AGPAT5: variants seen among roughly 807,000 people sequenced by gnomAD.
AGPAT5 encodes 1-acylglycerol-3-phosphate O-acyltransferase 5.
Under a neutral mutation model 45.6 loss-of-function variants are expected in AGPAT5, and 46 were observed. That is an observed-to-expected ratio of 1.01 (90% CI 0.80 to 1.29). AGPAT5 has a LOEUF of 1.29. Among genes scored for constraint, AGPAT5 ranks in the 50% most tolerant of loss-of-function variants. AGPAT5 has a pLI of 0.00. For synonymous variants in AGPAT5, 272 were observed against 167.0 expected, an observed-to-expected ratio of 1.63 and a Z score of -4.85; for missense variants, 673 against 450.7, an observed-to-expected ratio of 1.49 and a Z score of -4.47.
In AGPAT5 at chr8:6,760,552, T is replaced by C. The variant is rs1802002976; in HGVS notation, c.*3164T>C. ...TAATTGCAAGCGCATAGTAAAATAA[T>C]TTTAACCTTAATTTGTTTTTAGTAG... On this transcript the variant is annotated 3_prime_UTR_variant, in exon 8 of 8. Coordinates refer to ENST00000285518, the MANE Select transcript of AGPAT5 (RefSeq NM_018361.5). Among the ~76,000 whole-genome samples, 1 of 152,212 alleles carries C rather than the reference T, an allele frequency of 6.6e-6. No individual in the cohort carries two copies. The highest frequency in any genetic ancestry group is 1.5e-5 in the Non-Finnish European group (1 of 68,046).
In AGPAT5 at chr8:6,760,065, G is replaced by T. The variant is rs1157655894; in HGVS notation, c.*2677G>T. The stretch of plus-strand genomic sequence containing the variant: ...TAAAATTTAGAGTGGCAACAATTTT[G>T]CTTAATATGGGTTACATAAGCTTTA... On this transcript the variant is annotated 3_prime_UTR_variant, in exon 8 of 8. Coordinates refer to ENST00000285518, the MANE Select transcript of AGPAT5 (RefSeq NM_018361.5). Among the ~76,000 whole-genome samples, 3 of 152,040 alleles carry T rather than the reference G, an allele frequency of 2.0e-5. No individual in the cohort carries two copies. Among genetic ancestry groups the T allele is most frequent in the Non-Finnish European group, 4.4e-5 (3 of 68,006 alleles).
chr8:6,752,917 C>T (rs1413061182), intron 6 of AGPAT5, among the ~76,000 whole-genome samples: 2 of 152,170 alleles, frequency 1.3e-5, no homozygotes, highest in East Asian at 1.9e-4. Flanking sequence ...GTCGCATGCT[C>T]CTCTCATTGT....
At chr8:6,753,905 G>T (rs1236074854) in intron 6 of AGPAT5, among the ~76,000 whole-genome samples, 3 of 152,190 alleles carry the variant, frequency 2.0e-5, no homozygotes, top group African/African-American at 7.2e-5. Context: ...CTGAAGTCAA[G>T]AAGAGCAGTT....
At position 6,758,159 on chromosome 8, in the gene AGPAT5, T is replaced by C. The variant is rs1801907829; in HGVS notation, c.*771T>C. 6.6e-6 allele frequency: 1 copy of C among 152,452 alleles called. No individual in the cohort carries two copies. The highest frequency in any genetic ancestry group is 2.4e-5 in the African/African-American group (1 of 41,450). 9.4% of individuals were successfully genotyped at this position (152,452 alleles called of 1,614,324 possible). On this transcript the variant is annotated 3_prime_UTR_variant, in exon 8 of 8. Transcript: ENST00000285518. The stretch of plus-strand genomic sequence containing the variant: ...TAAGCTACACTATTAGTACTTCCCT[T>C]TGTCTGTGCCATAAGTGCTTGAAAA...
rs1800178647 is a variant in AGPAT5, at chr8:6,712,231, T to G, written c.219+3344T>G. On this transcript the variant is annotated intron_variant, in intron 1 of 7. Coordinates refer to ENST00000285518, the MANE Select transcript of AGPAT5 (RefSeq NM_018361.5). Reference sequence around the variant, plus strand: ...TCTTTTAGTTTCTTATTTACAGATTTACCTTCACATATCCCTTAAGTAGAA... The same window carrying G: ...TCTTTTAGTTTCTTATTTACAGATTGACCTTCACATATCCCTTAAGTAGAA... 2.6e-5 allele frequency among the ~76,000 whole-genome samples: 4 copies of G among 152,250 alleles called. No homozygotes were observed. In the South Asian group the frequency reaches 8.3e-4, roughly 31 times the overall value.
rs1044309849 is a variant in AGPAT5 at position 6,760,562 on chromosome 8, A to C, written c.*3174A>C. Among the ~76,000 whole-genome samples, 2 of 152,172 alleles carry C rather than the reference A, an allele frequency of 1.3e-5. No individual in the cohort carries two copies. The highest frequency in any genetic ancestry group is 6.5e-5 in the Admixed American group (1 of 15,272). On this transcript the variant is annotated 3_prime_UTR_variant, in exon 8 of 8. Coordinates refer to ENST00000285518, the MANE Select transcript of AGPAT5 (RefSeq NM_018361.5). The stretch of plus-strand genomic sequence containing the variant: ...CGCATAGTAAAATAATTTTAACCTT[A>C]ATTTGTTTTTAGTAGTGTTTAGATT...
intron 5 of AGPAT5, among the ~76,000 whole-genome samples, chr8:6,747,008 A>G (rs79058383): frequency 0.013 from 1,911 of 152,322 alleles, 44 homozygotes; most frequent in African/African-American, 0.044. Flanking sequence ...TATACCCAAG[A>G]GGATTGAAAT....
intron 7 of AGPAT5, among the ~76,000 whole-genome samples, chr8:6,755,739 C>A (rs887104984): frequency 6.6e-6 from 1 of 152,194 alleles, no homozygotes; most frequent in Non-Finnish European, 1.5e-5. Context: ...AAGAAACTAT[C>A]ATTGTTCTTC....
At chr8:6,748,732 T>A (rs1801560200) in intron 6 of AGPAT5, among the ~76,000 whole-genome samples, 1 of 152,202 alleles carries the variant, frequency 6.6e-6, no homozygotes, top group Admixed American at 6.5e-5. Context: ...CTCAAACTCC[T>A]TACCTCAGGT....
chr8:6,743,356 T>C (rs947323749), intron 5 of AGPAT5, among the ~76,000 whole-genome samples: 5 of 152,230 alleles, frequency 3.3e-5, no homozygotes, highest in African/African-American at 1.2e-4. Context: ...CTGGACCCAT[T>C]TGTACAATTG....
rs762990404 is a variant in AGPAT5 at position 6,757,387 on chromosome 8, A to G, written c.1094A>G (p.Ter365TrpextTer21). 4 of 1,613,472 alleles carry G rather than the reference A, an allele frequency of 2.5e-6. No individual in the cohort carries two copies. The highest frequency in any genetic ancestry group is 2.5e-6 in the Non-Finnish European group (3 of 1,179,396). Residue 365 changes from the stop codon to tryptophan (W), a stop_lost, in exon 8 of 8, where the codon TAG (stop) becomes TGG (tryptophan). Transcript: ENST00000285518. The stretch of plus-strand genomic sequence containing the variant: ...TGCCTGTGGGTTACTATTAAAGCAT[A>G]GACAAGTAGCTGTCTCCAGACAGTG... ...LGCLWVTIKA[*>W]
At chr8:6,756,097 G>A (rs144013218) in intron 7 of AGPAT5, among the ~76,000 whole-genome samples, 25 of 152,220 alleles carry the variant, frequency 1.6e-4, no homozygotes, top group East Asian at 1.5e-3. Context: ...CAATAGAAGC[G>A]CTTTCCCTTT....
rs1167709079 is a variant in AGPAT5 at position 6,708,785 on chromosome 8, C to A, written c.117C>A (p.Ser39=). The change falls in exon 1 of 8, where the codon TCC becomes TCA. Residue 39 remains serine, a synonymous_variant. Coordinates refer to ENST00000285518, the MANE Select transcript of AGPAT5 (RefSeq NM_018361.5). ...CCTGGGGGGTCTGGCGGCTGCTCTC[C>A]GCCTTCCTGCCCGCCCGCTTCTACC... ...VLAWGVWRLL[S]AFLPARFYQA... 2 of 1,609,492 alleles carry A rather than the reference C, an allele frequency of 1.2e-6. No individual in the cohort carries two copies. The highest frequency in any genetic ancestry group is 2.7e-5 in the African/African-American group (2 of 75,020).
intron 2 of AGPAT5, among the ~76,000 whole-genome samples, chr8:6,726,818 C>T (rs1800703716): frequency 6.6e-6 from 1 of 152,196 alleles, no homozygotes; most frequent in Non-Finnish European, 1.5e-5. Flanking sequence ...ACCACATCCT[C>T]ATCCCAGCAG....
chr8:6,755,695 A>C (rs915942990), intron 7 of AGPAT5, among the ~76,000 whole-genome samples: 2 of 152,214 alleles, frequency 1.3e-5, no homozygotes, highest in African/African-American at 4.8e-5. Flanking sequence ...ATTTTAGCCA[A>C]TTGTTTTATT....
chr8:6,727,023 C>T (rs181053229), intron 2 of AGPAT5, among the ~76,000 whole-genome samples: 6 of 152,226 alleles, frequency 3.9e-5, no homozygotes, highest in African/African-American at 7.2e-5. Flanking sequence ...TATCCATAGA[C>T]GTGGTTCATT....
At chr8:6,728,919 A>C (rs931807078) in intron 2 of AGPAT5, among the ~76,000 whole-genome samples, 6 of 152,212 alleles carry the variant, frequency 3.9e-5, no homozygotes, top group African/African-American at 1.2e-4. Context: ...CTTTAGAGAA[A>C]AGTGATCATT....
intron 1 of AGPAT5, among the ~76,000 whole-genome samples, chr8:6,724,205 T>G (rs1303611851): frequency 6.6e-6 from 1 of 152,210 alleles, no homozygotes; most frequent in Non-Finnish European, 1.5e-5. Flanking sequence ...TAGCATGGAA[T>G]TCAAAAGACT....
At chr8:6,737,993 G>A (rs983320715) in intron 4 of AGPAT5, among the ~76,000 whole-genome samples, 3 of 152,232 alleles carry the variant, frequency 2.0e-5, no homozygotes, top group African/African-American at 7.2e-5. Flanking sequence ...AGGGAGTGTT[G>A]TGGCTGGTTT....
Sources: allele counts gnomAD v4.1 joint callset (sites outside exome capture counted in the v4.1 genomes callset), GRCh38; gene constraint gnomAD v4.1.1; transcripts MANE v1.5; gene names NCBI Gene and HGNC (gene_info 2026-07-23, HGNC 2026-07-21).